Variants in NPM1 observed in about 807,000 individuals in gnomAD.
NPM1 encodes nucleophosmin 1.
In NPM1, 1 loss-of-function variant was observed where a neutral mutation model predicts 44.1. That is an observed-to-expected ratio of 0.02 (90% CI 0.01 to 0.11). The LOEUF (loss-of-function observed/expected upper bound fraction) is 0.11. Ranked by LOEUF, NPM1 falls within the 10% of genes least tolerant of loss-of-function variation. The probability of loss-of-function intolerance (pLI) is 1.00; values close to 1 mark genes in which losing one functional copy is unlikely to be tolerated. For synonymous variants in NPM1, 126 were observed against 111.8 expected (o/e 1.13, Z -0.80); for missense variants, 197 against 347.8 (o/e 0.57, Z 3.45).
At chr5:171,404,807 T>G (rs1309752065) in intron 8 of NPM1, among the ~76,000 whole-genome samples, 1 of 151,420 alleles carries the variant, frequency 6.6e-6, no homozygotes, top group East Asian at 1.9e-4. Flanking sequence ...TAGGTTGTAG[T>G]GAGCCGAGAT....
intron 8 of NPM1, among the ~76,000 whole-genome samples, chr5:171,403,654 C>T (rs1771371697): frequency 1.4e-5 from 2 of 139,794 alleles, no homozygotes; most frequent in African/African-American, 2.6e-5. Context: ...CCCCCACCTC[C>T]CTCCCGGACG....
At chr5:171,399,514 G>A (rs912534852) in intron 6 of NPM1, among the ~76,000 whole-genome samples, 1 of 152,122 alleles carries the variant, frequency 6.6e-6, no homozygotes, top group African/African-American at 2.4e-5. Flanking sequence ...TAGGATTATA[G>A]GTGTGAGACA....
chr5:171,391,346 T>A lies in NPM1; in HGVS notation c.180T>A (p.Val60=), dbSNP rs2113168722. 2 of 1,613,494 alleles carry A rather than the reference T, an allele frequency of 1.2e-6. No homozygotes were observed. The highest frequency in any genetic ancestry group is 1.7e-6 in the Non-Finnish European group (2 of 1,179,896). The change falls in exon 3 of 11, where the codon GTT becomes GTA. Residue 60 remains valine, a synonymous_variant. Coordinates refer to ENST00000296930, the MANE Select transcript of NPM1 (RefSeq NM_002520.7). ...GTGCAAAGGATGAGTTGCACATTGT[T>A]GAAGCAGAGGCAATGAATTACGAAG... ...GAGAKDELHI[V]EAEAMNYEGS...
At chr5:171,401,943 C>T (rs538941888) in intron 8 of NPM1, among the ~76,000 whole-genome samples, 104 of 151,900 alleles carry the variant, frequency 6.8e-4, no homozygotes, top group African/African-American at 2.4e-3. Context: ...AAAGGAACCC[C>T]AGTACTTGTG....
intron 6 of NPM1, among the ~76,000 whole-genome samples, chr5:171,395,416 C>T (rs1471814202): frequency 1.3e-5 from 2 of 151,988 alleles, no homozygotes; most frequent in African/African-American, 4.8e-5. Context: ...TCTCCTGCCT[C>T]GGCCTCCAGA....
chr5:171,400,665 CTCGA>C, intron 7 of NPM1, 170 bp from the exon 8 acceptor site: 1 of 519,336 alleles, frequency 1.9e-6, no homozygotes, highest in South Asian at 2.3e-5. Context: ...CCAGGCTGGT[CTCGA>C]ACTCCTGACC....
intron 6 of NPM1, among the ~76,000 whole-genome samples, chr5:171,396,878 CAGG>C (rs1189249172): frequency 6.6e-6 from 1 of 152,068 alleles, no homozygotes; most frequent in Non-Finnish European, 1.5e-5. Context: ...GAGGCTGAGG[CAGG>C]AGAATTGCTT....
At chr5:171,391,569 G>C in intron 3 of NPM1, 137 bp from the exon 4 acceptor site, 1 of 1,172,590 alleles carries the variant, frequency 8.5e-7, no homozygotes, top group Non-Finnish European at 1.2e-6. Flanking sequence ...TCTTGAACAT[G>C]GGGGCTTCTG....
intron 9 of NPM1, chr5:171,406,722 C>A (rs2113283468): frequency 8.6e-7 from 1 of 1,163,150 alleles, no homozygotes; most frequent in Non-Finnish European, 1.1e-6. Context: ...TATTTGAATG[C>A]ATCAATTAAG....
chr5:171,388,281 C>T (rs887993108), intron 1 of NPM1, among the ~76,000 whole-genome samples: 11 of 152,144 alleles, frequency 7.2e-5, no homozygotes, highest in Non-Finnish European at 1.6e-4. Context: ...GTGGAACCGG[C>T]CGCCTGGAAG....
At chr5:171,392,500 C>T (rs544355980) in intron 4 of NPM1, among the ~76,000 whole-genome samples, 247 of 152,256 alleles carry the variant, frequency 1.6e-3, no homozygotes, top group Non-Finnish European at 2.5e-3. Context: ...ATGAGCCACC[C>T]TCCCCAGGCT....
At chr5:171,395,261 G>T (rs1770821581) in intron 6 of NPM1, among the ~76,000 whole-genome samples, 1 of 152,034 alleles carries the variant, frequency 6.6e-6, no homozygotes, top group Admixed American at 6.5e-5. Context: ...GGAATGAAAA[G>T]TGTAGATATC....
chr5:171,399,010 C>A (rs1000542268), intron 6 of NPM1, among the ~76,000 whole-genome samples: 9 of 152,060 alleles, frequency 5.9e-5, no homozygotes. Flanking sequence ...GCCACCATGC[C>A]CGGCTAATTT....
At position 171,392,953 on chromosome 5, in the gene NPM1, G is replaced by T. The variant is rs1207998618; in HGVS notation, c.499G>T (p.Asp167Tyr). The T allele has an allele frequency of 6.2e-6, 10 of 1,609,154 alleles. No individual in the cohort carries two copies. The highest frequency in any genetic ancestry group is 8.5e-6 in the Non-Finnish European group (10 of 1,175,814). ...KLAADEDDDD[D>Y]DEEDDDEDDD... is the part of the protein sequence containing the mutation. ...TGCTGCTGATGAAGATGATGACGATGATGATGAAGAGGATGATGATGAAGA... is the reference window on the plus strand; with the variant it reads ...TGCTGCTGATGAAGATGATGACGATTATGATGAAGAGGATGATGATGAAGA... Residue 167 changes from aspartate (D) to tyrosine (Y), a missense_variant, in exon 6 of 11, where the codon GAT becomes TAT. Coordinates refer to ENST00000296930, the MANE Select transcript of NPM1 (RefSeq NM_002520.7).
intron 6 of NPM1, among the ~76,000 whole-genome samples, chr5:171,399,750 A>G (rs1468592020): frequency 6.6e-6 from 1 of 152,080 alleles, no homozygotes; most frequent in Non-Finnish European, 1.5e-5. Flanking sequence ...ACTTAAATAT[A>G]CATACATTAT....
At chr5:171,401,351 C>CA (rs542259785) in intron 8 of NPM1, among the ~76,000 whole-genome samples, 3,903 of 143,062 alleles carry the variant, frequency 0.027, 65 homozygotes, top group Non-Finnish European at 0.041. Flanking sequence ...ACTCCGCCTC[C>CA]AAAAAAAAAA....
chr5:171,403,602 A>C (rs1581254600), intron 8 of NPM1, among the ~76,000 whole-genome samples: 1 of 105,566 alleles, frequency 9.5e-6, no homozygotes, highest in African/African-American at 3.5e-5. Context: ...GGCGCCCCTC[A>C]CCTCCCGGAC....
chr5:171,396,942 C>T (rs910156746), intron 6 of NPM1, among the ~76,000 whole-genome samples: 1 of 152,066 alleles, frequency 6.6e-6, no homozygotes, highest in Admixed American at 6.6e-5. Context: ...CATTGCATTC[C>T]AGATTGGGCA....
chr5:171,398,222 T>C (rs771850897), intron 6 of NPM1, among the ~76,000 whole-genome samples: 22 of 152,268 alleles, frequency 1.4e-4, no homozygotes, highest in Non-Finnish European at 2.9e-4. Flanking sequence ...TTTTATGACG[T>C]CCGATTTCTT....
Sources: gnomAD v4.1 joint callset for allele counts (sites outside exome capture counted in the v4.1 genomes callset) on GRCh38, gnomAD v4.1.1 for gene constraint, MANE v1.5 for transcripts, NCBI Gene and HGNC (gene_info 2026-07-23, HGNC 2026-07-21) for gene names.